Variants in PACRG observed in about 807,000 individuals in gnomAD.
The protein encoded by PACRG is parkin coregulated.
Under a neutral mutation model 29.7 loss-of-function variants are expected in PACRG, and 29 were observed. The ratio of observed to expected loss-of-function variants is 0.98; its 90% CI spans 0.73 to 1.33. PACRG has a LOEUF of 1.33. Ranked by LOEUF, PACRG falls within the 40% of genes most tolerant of loss-of-function variation. PACRG has a pLI of 0.00. For missense variants in PACRG, 279 were observed against 316.2 expected (o/e 0.88, Z 0.89); for synonymous variants, 116 against 118.7 (o/e 0.98, Z 0.15).
chr6:162,815,907 G>A (rs905497675), intron 2 of PACRG, among the ~76,000 whole-genome samples: 11 of 151,970 alleles, frequency 7.2e-5, no homozygotes, highest in African/African-American at 2.7e-4. Flanking sequence ...GTGGCTTTTG[G>A]TGTTTTAGGT....
intron 1 of PACRG, among the ~76,000 whole-genome samples, chr6:162,733,498 A>T (rs1247300592): frequency 6.6e-6 from 1 of 152,074 alleles, no homozygotes; most frequent in African/African-American, 2.4e-5. Context: ...GAATTTTTTT[A>T]AGCCATCCTC....
Position 163,288,546 on chromosome 6 carries a change from C to T in PACRG, c.614-26281C>T, listed in dbSNP as rs558225329. Among the ~76,000 whole-genome samples, 23 of 152,296 alleles carry T rather than the reference C, an allele frequency of 1.5e-4. No homozygotes were observed. The South Asian group carries it at 3.7e-3, about 25-fold the overall frequency. ...ATTCTAAATGAGCACAAAAGAGTTTCGCGACTGTCATACCTTTGAATGGGA... is the reference window on the plus strand; with the variant it reads ...ATTCTAAATGAGCACAAAAGAGTTTTGCGACTGTCATACCTTTGAATGGGA... On this transcript the variant is annotated intron_variant, in intron 4 of 4. Coordinates refer to ENST00000366888, the MANE Select transcript of PACRG (RefSeq NM_001080379.2).
intron 4 of PACRG, among the ~76,000 whole-genome samples, chr6:163,218,859 T>C (rs1781467008): frequency 6.6e-6 from 1 of 152,190 alleles, no homozygotes; most frequent in African/African-American, 2.4e-5. Flanking sequence ...CCTGCAGGGG[T>C]CACTTGACAA....
intron 2 of PACRG, among the ~76,000 whole-genome samples, chr6:162,886,968 TG>T (rs1478413053): frequency 6.6e-6 from 1 of 152,162 alleles, no homozygotes; most frequent in Non-Finnish European, 1.5e-5. Context: ...AGTACAGTGG[TG>T]TGATCTCAGC....
chr6:163,101,726 G>A (rs1193777232), intron 4 of PACRG, among the ~76,000 whole-genome samples: 2 of 152,142 alleles, frequency 1.3e-5, no homozygotes, highest in African/African-American at 4.8e-5. Flanking sequence ...TACCTGCTGA[G>A]CTAGCCACTG....
chr6:163,298,611 C>CA (rs1327632430), intron 4 of PACRG, among the ~76,000 whole-genome samples: 1 of 152,202 alleles, frequency 6.6e-6, no homozygotes, highest in African/African-American at 2.4e-5. Context: ...GCATCACTCA[C>CA]AAAAATTGTG....
chr6:162,811,538 A>G (rs192823961), intron 1 of PACRG, among the ~76,000 whole-genome samples: 50 of 152,324 alleles, frequency 3.3e-4, no homozygotes, highest in Admixed American at 1.2e-3. Context: ...TCACAGAAGC[A>G]TATTGACTGA....
chr6:163,254,368 A>G (rs1198152728), intron 4 of PACRG, among the ~76,000 whole-genome samples: 1 of 151,950 alleles, frequency 6.6e-6, no homozygotes, highest in Non-Finnish European at 1.5e-5. Flanking sequence ...ACTTTAGGGA[A>G]GAGGCACAAC....
At chr6:162,971,686 C>A (rs902261210) in intron 2 of PACRG, among the ~76,000 whole-genome samples, 1 of 152,162 alleles carries the variant, frequency 6.6e-6, no homozygotes, top group African/African-American at 2.4e-5. Context: ...TAAAGTAAAT[C>A]TTATGGAATA....
intron 2 of PACRG, among the ~76,000 whole-genome samples, chr6:162,885,018 A>G (rs910500738): frequency 6.6e-6 from 1 of 152,118 alleles, no homozygotes; most frequent in Non-Finnish European, 1.5e-5. Context: ...TTCACTTTAG[A>G]GGTGAAGTTG....
intron 2 of PACRG, among the ~76,000 whole-genome samples, chr6:162,880,045 C>A (rs1793703245): frequency 6.6e-6 from 1 of 152,186 alleles, no homozygotes; most frequent in Non-Finnish European, 1.5e-5. Context: ...CAGAGAGAGG[C>A]TGAGCACAGG....
At chr6:163,047,566 T>G (rs540671917) in intron 2 of PACRG, among the ~76,000 whole-genome samples, 1 of 152,348 alleles carries the variant, frequency 6.6e-6, no homozygotes, top group East Asian at 1.9e-4. Flanking sequence ...TAAGTGTGCA[T>G]AAATTTGAGA....
chr6:162,862,271 C>T (rs894633831), intron 2 of PACRG, among the ~76,000 whole-genome samples: 4 of 152,040 alleles, frequency 2.6e-5, no homozygotes, highest in African/African-American at 7.3e-5. Context: ...ATTATAGGGG[C>T]GAAGGAGAAA....
chr6:163,086,987 C>CG (rs1320273893), intron 3 of PACRG, among the ~76,000 whole-genome samples: 1 of 151,984 alleles, frequency 6.6e-6, no homozygotes, highest in Admixed American at 6.6e-5. Flanking sequence ...CCAATGGAAG[C>CG]GGGTAGGGGG....
At chr6:163,286,631 A>G (rs1474294126) in intron 4 of PACRG, among the ~76,000 whole-genome samples, 2 of 152,220 alleles carry the variant, frequency 1.3e-5, no homozygotes, top group East Asian at 3.9e-4. Context: ...CAGTATATCC[A>G]TGCTGAATTC....
intron 2 of PACRG, among the ~76,000 whole-genome samples, chr6:162,994,114 G>A (rs1416282093): frequency 3.0e-4 from 39 of 132,104 alleles, no homozygotes; most frequent in African/African-American, 1.3e-3. Flanking sequence ...GAGATCCGCT[G>A]TTAGTCTGAT....
intron 4 of PACRG, among the ~76,000 whole-genome samples, chr6:163,150,962 C>A (rs1222191468): frequency 6.6e-6 from 1 of 152,128 alleles, no homozygotes; most frequent in Non-Finnish European, 1.5e-5. Flanking sequence ...CAGTTTCTGA[C>A]CTTCTTTTAA....
intron 4 of PACRG, among the ~76,000 whole-genome samples, chr6:163,302,466 T>C (rs554549871): frequency 6.6e-6 from 1 of 152,330 alleles, no homozygotes; most frequent in South Asian, 2.1e-4. Context: ...TATTTCTAGG[T>C]TATTTTTAAC....
chr6:163,272,138 A>G (rs988339853), intron 4 of PACRG, among the ~76,000 whole-genome samples: 2 of 151,324 alleles, frequency 1.3e-5, no homozygotes, highest in East Asian at 3.9e-4. Context: ...TCCCAGGTTC[A>G]AGTGATTCTC....
Sources: allele counts gnomAD v4.1 joint callset (sites outside exome capture counted in the v4.1 genomes callset), GRCh38; gene constraint gnomAD v4.1.1; transcripts MANE v1.5; gene names NCBI Gene and HGNC (gene_info 2026-07-23, HGNC 2026-07-21).